The following CDIN1 variants were observed in gnomAD, a reference collection of about 807,000 sequenced individuals.
CDIN1 encodes the protein CDAN1 interacting nuclease 1.
In CDIN1, 33 loss-of-function variants were observed where a neutral mutation model predicts 45.3. The ratio of observed to expected loss-of-function variants is 0.73; its 90% CI spans 0.55 to 0.97. The LOEUF is 0.97. Ranked by LOEUF, CDIN1 falls within the 50% of genes least tolerant of loss-of-function variation. CDIN1 has a pLI of 0.00. For missense variants in CDIN1, 303 were observed against 339.4 expected, an observed-to-expected ratio of 0.89 and a Z score of 0.84; for synonymous variants, 118 against 124.4, an observed-to-expected ratio of 0.95 and a Z score of 0.34.
chr15:36,790,005 G>A (rs1165546972), intron 10 of CDIN1, among the ~76,000 whole-genome samples: 3 of 152,162 alleles, frequency 2.0e-5, no homozygotes, highest in Admixed American at 1.3e-4. Context: ...AGCTGTGGGT[G>A]ATTGATCTAC....
At chr15:36,805,180 G>C (rs2055187233) in intron 10 of CDIN1, among the ~76,000 whole-genome samples, 3 of 152,072 alleles carry the variant, frequency 2.0e-5, no homozygotes, top group Admixed American at 6.6e-5. Flanking sequence ...CTGCTTCCCA[G>C]GAGTCTTTAA....
At chr15:36,606,691 T>A (rs992793096) in intron 1 of CDIN1, among the ~76,000 whole-genome samples, 2 of 152,214 alleles carry the variant, frequency 1.3e-5, no homozygotes, top group Non-Finnish European at 2.9e-5. Context: ...TTTCAATTCC[T>A]TAAAAGACTG....
intron 1 of CDIN1, chr15:36,614,185 C>G: frequency 1.5e-6 from 1 of 671,712 alleles, no homozygotes; most frequent in East Asian, 2.9e-5. Flanking sequence ...ACTCTGCTGA[C>G]CTGAATGAGC....
At chr15:36,619,442 T>C (rs911798204) in intron 1 of CDIN1, among the ~76,000 whole-genome samples, 1 of 152,154 alleles carries the variant, frequency 6.6e-6, no homozygotes, top group African/African-American at 2.4e-5. Flanking sequence ...AATTCATCTC[T>C]GATGTGATTT....
intron 10 of CDIN1, among the ~76,000 whole-genome samples, chr15:36,718,804 T>C (rs556238894): frequency 7.0e-6 from 1 of 142,242 alleles, no homozygotes; most frequent in African/African-American, 2.7e-5. Context: ...TCACTTTCAA[T>C]TTGTATGCTT....
At chr15:36,765,553 A>G (rs80028297) in intron 10 of CDIN1, among the ~76,000 whole-genome samples, 5,470 of 152,292 alleles carry the variant, frequency 0.036, 147 homozygotes, top group Non-Finnish European at 0.053. Flanking sequence ...TCTGGGGCCA[A>G]TGTTTTTCCC....
chr15:36,586,850 G>A (rs1203792658), intron 1 of CDIN1, among the ~76,000 whole-genome samples: 3 of 152,224 alleles, frequency 2.0e-5, no homozygotes, highest in African/African-American at 7.2e-5. Flanking sequence ...ACTAGTGTAA[G>A]ACACATCCAA....
At chr15:36,717,824 A>G (rs1053395041) in intron 10 of CDIN1, among the ~76,000 whole-genome samples, 9 of 152,124 alleles carry the variant, frequency 5.9e-5, no homozygotes, top group African/African-American at 1.9e-4. Flanking sequence ...TCTGCTTCCC[A>G]TCTTCCTCAT....
In CDIN1 at chr15:36,763,179, G is replaced by A. The variant is rs1056186568; in HGVS notation, c.717-45145G>A. The stretch of plus-strand genomic sequence containing the variant: ...GTTGTTTCCTGACTTTTTAATGATC[G>A]CCATTCTAACTGGTGTGAGATGGTA... On this transcript the variant is annotated intron_variant, in intron 10 of 10. Coordinates refer to ENST00000566621, the MANE Select transcript of CDIN1 (RefSeq NM_001321759.2). Among the ~76,000 whole-genome samples, 12 of 152,156 alleles carry A rather than the reference G, an allele frequency of 7.9e-5. 1 individual carries two copies. Among genetic ancestry groups the A allele is most frequent in the African/African-American group, 9.6e-5 (4 of 41,514 alleles).
At position 36,736,139 on chromosome 15, in the gene CDIN1, G is replaced by A. The variant is rs142921781; in HGVS notation, c.716+26178G>A. 2.5e-4 allele frequency among the ~76,000 whole-genome samples: 38 copies of A among 152,198 alleles called. 1 individual carries two copies. In the East Asian group the frequency reaches 7.3e-3, roughly 29 times the overall value. ...TCTTAGCCCAAGACCTTGCTCCAAG[G>A]CTTCTCTGAGAAGGTAGAGAACTCC... On this transcript the variant is annotated intron_variant, in intron 10 of 10. Coordinates refer to ENST00000566621, the MANE Select transcript of CDIN1 (RefSeq NM_001321759.2).
intron 5 of CDIN1, among the ~76,000 whole-genome samples, chr15:36,681,142 A>G (rs1321620846): frequency 6.6e-6 from 1 of 152,162 alleles, no homozygotes; most frequent in Non-Finnish European, 1.5e-5. Context: ...AACATTTTAT[A>G]TATTTGCATA....
chr15:36,748,447 G>A (rs775188478), intron 10 of CDIN1, among the ~76,000 whole-genome samples: 2 of 152,066 alleles, frequency 1.3e-5, no homozygotes, highest in South Asian at 2.1e-4. Context: ...GGCAGAAACC[G>A]GTGCACTAAC....
At chr15:36,696,896 G>A (rs2042446666) in intron 7 of CDIN1, among the ~76,000 whole-genome samples, 1 of 147,426 alleles carries the variant, frequency 6.8e-6, no homozygotes, top group African/African-American at 2.5e-5. Context: ...AGAATCACTT[G>A]AGCCTAGGAG....
intron 10 of CDIN1, chr15:36,790,089 A>G (rs938233439): frequency 3.9e-5 from 6 of 152,190 alleles, no homozygotes; most frequent in African/African-American, 7.2e-5. Flanking sequence ...GTAAATTGCC[A>G]TATGTGTCCC....
chr15:36,594,536 T>C (rs1315037488), intron 1 of CDIN1, among the ~76,000 whole-genome samples: 1 of 152,230 alleles, frequency 6.6e-6, no homozygotes, highest in East Asian at 1.9e-4. Context: ...TGCACTGTAT[T>C]ACAATGGCAC....
At chr15:36,748,609 T>A (rs977547929) in intron 10 of CDIN1, among the ~76,000 whole-genome samples, 3 of 152,164 alleles carry the variant, frequency 2.0e-5, no homozygotes, top group Non-Finnish European at 4.4e-5. Flanking sequence ...TCTCAGATAC[T>A]TGAGAAGTTA....
chr15:36,808,715 A>G lies in CDIN1; in HGVS notation c.*262A>G. The stretch of plus-strand genomic sequence containing the variant: ...TGTCTCTGTCAAACAATTAGTTTAT[A>G]GATAGTCATAATCTTTCTTTCTTCC... On this transcript the variant is annotated 3_prime_UTR_variant, in exon 11 of 11. Transcript: ENST00000566621. 2.0e-6 allele frequency: 1 copy of G among 507,718 alleles called. No homozygotes were observed. The highest frequency in any genetic ancestry group is 3.6e-6 in the Non-Finnish European group (1 of 277,580). 31.5% of individuals were successfully genotyped at this position (507,718 alleles called of 1,614,324 possible).
chr15:36,675,708 G>C (rs2041625161), intron 5 of CDIN1, among the ~76,000 whole-genome samples: 1 of 152,122 alleles, frequency 6.6e-6, no homozygotes. Context: ...TAATTATATA[G>C]TACACTGTTA....
chr15:36,636,060 A>G (rs544867160), intron 1 of CDIN1, among the ~76,000 whole-genome samples: 1 of 152,354 alleles, frequency 6.6e-6, no homozygotes, highest in African/African-American at 2.4e-5. Flanking sequence ...GCATATTCCC[A>G]AAATGATGAA....
Sources: allele counts gnomAD v4.1 joint callset (sites outside exome capture counted in the v4.1 genomes callset), GRCh38; gene constraint gnomAD v4.1.1; transcripts MANE v1.5; gene names NCBI Gene and HGNC (gene_info 2026-07-23, HGNC 2026-07-21).